PAPOLG: variants seen among roughly 807,000 people sequenced by gnomAD.
The protein encoded by PAPOLG is poly(A) polymerase gamma.
A neutral mutation model predicts 99.0 loss-of-function variants in PAPOLG; 40 were observed. The ratio of observed to expected loss-of-function variants is 0.40; its 90% CI spans 0.31 to 0.53. The LOEUF is 0.53. Among genes scored for constraint, PAPOLG ranks in the 20% least tolerant of loss-of-function variants. PAPOLG has a pLI of 0.41. For synonymous variants in PAPOLG, 310 were observed against 299.3 expected (o/e 1.04, Z -0.37); for missense variants, 675 against 884.1 (o/e 0.76, Z 3.00).
At position 60,797,283 on chromosome 2, in the gene PAPOLG, AATAACCTT is replaced by A; in HGVS notation, c.*124_*131del. The A allele has an allele frequency of 8.0e-7, 1 of 1,246,768 alleles. No individual in the cohort carries two copies. The highest frequency in any genetic ancestry group is 1.1e-6 in the Non-Finnish European group (1 of 885,694). 77.2% of individuals were successfully genotyped at this position (1,246,768 alleles called of 1,614,324 possible). A position where few individuals can be genotyped will look rare whatever the true frequency, so the allele number is the denominator to read the frequency against. ...AGGTGAAAGTGACAGCCTTCAGTCT[AATAACCTT>A]GAAGTGGTTTTTGAACTGTCAAACT... is the stretch of plus-strand genomic sequence containing the variant. On this transcript the variant is annotated 3_prime_UTR_variant, in exon 22 of 22. Transcript: ENST00000238714.
At chr2:60,764,548 C>G (rs1396089386) in intron 3 of PAPOLG, among the ~76,000 whole-genome samples, 1 of 152,066 alleles carries the variant, frequency 6.6e-6, no homozygotes, top group African/African-American at 2.4e-5. Flanking sequence ...ACCTCAGCCT[C>G]CCTAGTAGCT....
intron 1 of PAPOLG, among the ~76,000 whole-genome samples, chr2:60,759,456 G>A (rs1158095865): frequency 6.6e-6 from 1 of 152,162 alleles, no homozygotes; most frequent in Non-Finnish European, 1.5e-5. Flanking sequence ...TTGGAGGGTG[G>A]CTCATGTATC....
At chr2:60,770,827 G>T (rs1670830959) in intron 6 of PAPOLG, among the ~76,000 whole-genome samples, 1 of 152,174 alleles carries the variant, frequency 6.6e-6, no homozygotes, top group Admixed American at 6.5e-5. Context: ...GTTTCACCGT[G>T]TTAGCCAGGA....
intron 7 of PAPOLG, among the ~76,000 whole-genome samples, chr2:60,772,446 C>CAA (rs35297734): frequency 1.5e-3 from 124 of 84,102 alleles, no homozygotes; most frequent in South Asian, 2.8e-3. Context: ...GACCCTGTCT[C>CAA]AAAAAAAAAA....
intron 7 of PAPOLG, among the ~76,000 whole-genome samples, chr2:60,773,323 G>A (rs142319468): frequency 3.3e-5 from 5 of 152,146 alleles, no homozygotes; most frequent in Non-Finnish European, 7.4e-5. Context: ...CTTCCAATCC[G>A]CAGTCCCAGG....
chr2:60,785,294 C>T (rs1274367577), intron 13 of PAPOLG, among the ~76,000 whole-genome samples: 14 of 151,936 alleles, frequency 9.2e-5, no homozygotes, highest in East Asian at 1.9e-4. Flanking sequence ...GCCCGCACCT[C>T]GCCTGGCTAA....
chr2:60,796,935 T>C (rs2103833343), intron 21 of PAPOLG, 127 bp from the exon 22 acceptor site: 2 of 1,161,000 alleles, frequency 1.7e-6, no homozygotes, highest in African/African-American at 1.6e-5. Flanking sequence ...CATTGCATAC[T>C]TGAGTGTTTA....
At chr2:60,762,422 G>A (rs138364037) in intron 3 of PAPOLG, among the ~76,000 whole-genome samples, 1 of 151,972 alleles carries the variant, frequency 6.6e-6, no homozygotes, top group Non-Finnish European at 1.5e-5. Flanking sequence ...TCCTCCGGGG[G>A]ATTGGTTCTG....
At chr2:60,789,317 TA>T (rs1383947333) in intron 15 of PAPOLG, among the ~76,000 whole-genome samples, 7 of 151,430 alleles carry the variant, frequency 4.6e-5, no homozygotes, top group Admixed American at 6.6e-5. Flanking sequence ...CCCTAAAACT[TA>T]AAAGTATAAT....
intron 21 of PAPOLG, 118 bp from the exon 22 acceptor site, chr2:60,796,944 T>C (rs1393138416): frequency 2.3e-6 from 3 of 1,283,158 alleles, no homozygotes; most frequent in Non-Finnish European, 3.2e-6. Flanking sequence ...CTTGAGTGTT[T>C]AGGAGCTAGA....
intron 3 of PAPOLG, among the ~76,000 whole-genome samples, chr2:60,767,787 T>C (rs1177366353): frequency 1.3e-5 from 2 of 152,224 alleles, no homozygotes; most frequent in Admixed American, 6.5e-5. Context: ...TGTTATGTTT[T>C]AGAGAGGTGA....
intron 2 of PAPOLG, 94 bp from the exon 3 acceptor site, chr2:60,761,647 G>A: frequency 9.7e-7 from 1 of 1,026,442 alleles, no homozygotes; most frequent in African/African-American, 1.6e-5. Flanking sequence ...TTTTACCCCA[G>A]CATCAACACA....
chr2:60,765,193 C>CA (rs1670637740), intron 3 of PAPOLG, among the ~76,000 whole-genome samples: 1 of 151,182 alleles, frequency 6.6e-6, no homozygotes, highest in African/African-American at 2.4e-5. Context: ...CCCAGCCCCC[C>CA]AAGTAGCAGA....
At chr2:60,762,788 G>T (rs1670558666) in intron 3 of PAPOLG, among the ~76,000 whole-genome samples, 1 of 151,488 alleles carries the variant, frequency 6.6e-6, no homozygotes, top group South Asian at 2.1e-4. Context: ...CACCACACCG[G>T]GCTAATTTTT....
At position 60,768,800 on chromosome 2, in the gene PAPOLG, T is replaced by C; in HGVS notation, c.348T>C (p.Leu116=). 1 of 1,580,982 alleles carries C rather than the reference T, an allele frequency of 6.3e-7. No individual in the cohort carries two copies. The highest frequency in any genetic ancestry group is 8.6e-7 in the Non-Finnish European group (1 of 1,162,124). The change falls in exon 5 of 22, where the codon CTT becomes CTC. Residue 116 remains leucine, a synonymous_variant. Coordinates refer to ENST00000238714, the MANE Select transcript of PAPOLG (RefSeq NM_022894.4). ...VHTKGADIDA[L]CVAPRHVERS... ...TTACAGGAGCTGACATTGATGCACTTTGTGTAGCTCCAAGACATGTGGAAA... is the reference window on the plus strand; with the variant it reads ...TTACAGGAGCTGACATTGATGCACTCTGTGTAGCTCCAAGACATGTGGAAA...
chr2:60,782,803 A>AT (rs139543059), intron 12 of PAPOLG, 33 bp downstream of exon 12: 25,731 of 1,133,924 alleles, frequency 0.023, 1 homozygote, highest in South Asian at 0.04. Context: ...TATGTATGTG[A>AT]TTTTTTTTTT....
intron 14 of PAPOLG, 45 bp downstream of exon 14, chr2:60,787,111 T>C: frequency 4.8e-6 from 7 of 1,447,622 alleles, no homozygotes; most frequent in Non-Finnish European, 6.6e-6. Flanking sequence ...AATAATGTTA[T>C]TTGGTATATG....
chr2:60,797,184 G>A lies in PAPOLG; in HGVS notation c.*24G>A. The A allele has an allele frequency of 6.2e-7, 1 of 1,612,392 alleles. No homozygotes were observed. The highest frequency in any genetic ancestry group is 8.5e-7 in the Non-Finnish European group (1 of 1,178,718). ...AAAAGCAGTGCCTCCTCACTTAAGT[G>A]AACAAGCAATCATTTAGTGGCATAG... On this transcript the variant is annotated 3_prime_UTR_variant, in exon 22 of 22. Coordinates refer to ENST00000238714, the MANE Select transcript of PAPOLG (RefSeq NM_022894.4).
At chr2:60,768,016 G>T (rs1406314227) in intron 3 of PAPOLG, among the ~76,000 whole-genome samples, 1 of 152,220 alleles carries the variant, frequency 6.6e-6, no homozygotes, top group Non-Finnish European at 1.5e-5. Context: ...GATCTGTGAA[G>T]CACTTTTACA....
Sources: allele counts gnomAD v4.1 joint callset (sites outside exome capture counted in the v4.1 genomes callset), GRCh38; gene constraint gnomAD v4.1.1; transcripts MANE v1.5; gene names NCBI Gene and HGNC (gene_info 2026-07-23, HGNC 2026-07-21).